RHOQ: variants seen among roughly 807,000 people sequenced by gnomAD.
RHOQ encodes rho-related GTP-binding protein RhoQ.
In RHOQ, 7 loss-of-function variants were observed where a neutral mutation model predicts 25.8. That is an observed-to-expected ratio of 0.27 (90% confidence interval 0.15 to 0.51). The LOEUF (loss-of-function observed/expected upper bound fraction) is 0.51, where lower values mean the gene tolerates loss of function less well. RHOQ is among the 20% of genes least tolerant of loss of function. RHOQ has a pLI of 0.97. For missense variants in RHOQ, 165 were observed against 260.6 expected (o/e 0.63, Z 2.53); for synonymous variants, 97 against 98.6 (o/e 0.98, Z 0.10).
intron 2 of RHOQ, among the ~76,000 whole-genome samples, chr2:46,554,486 T>C (rs766708032): frequency 2.0e-5 from 3 of 152,218 alleles, no homozygotes; most frequent in Admixed American, 6.5e-5. Flanking sequence ...GACAGGGCTC[T>C]GTTCATTGTG....
rs143500704 is a variant in RHOQ at position 46,545,497 on chromosome 2, C to G, written c.201+1685C>G. On this transcript the variant is annotated intron_variant, in intron 2 of 4. Transcript: ENST00000238738. ...ACTGAGTTTTTTCCTACATATGGGG[C>G]CAGAGGCAGACACATGCAAATATTA... 8.7e-3 allele frequency among the ~76,000 whole-genome samples: 1,329 copies of G among 152,198 alleles called. 19 individuals carry two copies. The highest frequency in any genetic ancestry group is 0.031 in the African/African-American group (1,269 of 41,516).
intron 2 of RHOQ, chr2:46,560,588 A>G (rs1331456751): frequency 2.2e-6 from 1 of 456,250 alleles, no homozygotes; most frequent in South Asian, 1.5e-5. Flanking sequence ...TCCTGGGGTC[A>G]CGTGATCACG....
intron 2 of RHOQ, chr2:46,572,640 T>A (rs1273819544): frequency 2.7e-6 from 1 of 363,710 alleles, no homozygotes; most frequent in African/African-American, 2.1e-5. Context: ...TTTTCTGTAC[T>A]CCTGAGAATG....
At chr2:46,550,499 T>A (rs922164942) in intron 2 of RHOQ, among the ~76,000 whole-genome samples, 5 of 152,196 alleles carry the variant, frequency 3.3e-5, no homozygotes, top group African/African-American at 1.2e-4. Flanking sequence ...CCCCCAACAC[T>A]CTGTCTCAGA....
intron 2 of RHOQ, among the ~76,000 whole-genome samples, chr2:46,545,957 C>G (rs988368755): frequency 6.6e-6 from 1 of 152,132 alleles, no homozygotes; most frequent in Non-Finnish European, 1.5e-5. Context: ...TAGTAAGGCT[C>G]AAATACTACT....
At chr2:46,546,519 C>CATATATAT (rs1404045435) in intron 2 of RHOQ, among the ~76,000 whole-genome samples, 1 of 38,130 alleles carries the variant, frequency 2.6e-5, no homozygotes, top group Non-Finnish European at 4.3e-5. Context: ...TATGTATATA[C>CATATATAT]ATATATATAT....
intron 2 of RHOQ, among the ~76,000 whole-genome samples, chr2:46,558,173 G>A (rs552888225): frequency 6.6e-6 from 1 of 152,224 alleles, no homozygotes; most frequent in South Asian, 2.1e-4. Flanking sequence ...GCTGTAGCTG[G>A]GCTGGTGCCT....
chr2:46,576,403 A>G lies in RHOQ; in HGVS notation c.366+152A>G. The G allele has an allele frequency of 1.1e-6, 1 of 947,284 alleles. No homozygotes were observed. The highest frequency in any genetic ancestry group is 2.8e-5 in the Admixed American group (1 of 35,636). The allele number at this position is 947,284 out of a possible 1,614,324, so 58.7% of individuals were successfully genotyped here. ...GAGTTCTATCATATTTTTGGAAAAA[A>G]TTGTGCCAAAAGAAAGCAATTATTT... On this transcript the variant is annotated intron_variant, in intron 3 of 4. Coordinates refer to ENST00000238738, the MANE Select transcript of RHOQ (RefSeq NM_012249.4). The surrounding 1 kb of genome is among the most constrained non-coding windows in gnomAD (Gnocchi z 5.1).
intron 2 of RHOQ, among the ~76,000 whole-genome samples, chr2:46,546,491 T>TATATATATGTATATATATATAC (rs1668064078): frequency 4.1e-5 from 1 of 24,356 alleles, no homozygotes; most frequent in Non-Finnish European, 7.1e-5. Flanking sequence ...TATATATATA[T>TATATATATGTATATATATATAC]ATATATATAT....
intron 4 of RHOQ, among the ~76,000 whole-genome samples, chr2:46,579,349 G>A (rs977523615): frequency 1.3e-5 from 2 of 152,146 alleles, no homozygotes; most frequent in Non-Finnish European, 2.9e-5. Context: ...GCCTAAATGA[G>A]CTTCTGTCAG....
intron 2 of RHOQ, among the ~76,000 whole-genome samples, chr2:46,554,643 G>T (rs1287028811): frequency 6.6e-6 from 1 of 152,154 alleles, no homozygotes; most frequent in Non-Finnish European, 1.5e-5. Flanking sequence ...ACAAGGAGTG[G>T]CTGAAGGGAG....
At chr2:46,554,743 C>T (rs1293477844) in intron 2 of RHOQ, among the ~76,000 whole-genome samples, 2 of 152,008 alleles carry the variant, frequency 1.3e-5, no homozygotes, top group African/African-American at 4.8e-5. Context: ...GTTCTCCCCT[C>T]CCTTTATTCT....
intron 2 of RHOQ, among the ~76,000 whole-genome samples, chr2:46,563,824 CT>C (rs1668644994): frequency 6.6e-6 from 1 of 151,804 alleles, no homozygotes; most frequent in Admixed American, 6.6e-5. Context: ...CTTTTTTTCT[CT>C]TTTTCTTAAT....
In RHOQ at chr2:46,581,392, T is replaced by C. The variant is rs1474465905; in HGVS notation, c.*309T>C. The C allele has an allele frequency of 6.5e-7, 1 of 1,530,758 alleles. No individual in the cohort carries two copies. Among genetic ancestry groups the C allele is most frequent in the East Asian group, 2.4e-5 (1 of 40,872 alleles). The allele number at this position is 1,530,758 out of a possible 1,614,324, so 94.8% of individuals were successfully genotyped here. The stretch of plus-strand genomic sequence containing the variant: ...TGTAACTACGTAAAAAACAGAGCTG[T>C]AAATGGAACTGCTTGGCTTTGACCA... On this transcript the variant is annotated 3_prime_UTR_variant, in exon 5 of 5. Transcript: ENST00000238738.
intron 4 of RHOQ, among the ~76,000 whole-genome samples, chr2:46,578,563 C>G (rs1403368419): frequency 3.0e-5 from 2 of 66,222 alleles, no homozygotes; most frequent in African/African-American, 9.0e-5. Flanking sequence ...GAAACCCCAT[C>G]TCTACCAAAA....
At chr2:46,579,249 A>T (rs7572365) in intron 4 of RHOQ, among the ~76,000 whole-genome samples, 2,497 of 152,250 alleles carry the variant, frequency 0.016, 72 homozygotes, top group African/African-American at 0.058. Context: ...ACTCTGCTCC[A>T]TCTCTTTACC....
At position 46,580,983 on chromosome 2, in the gene RHOQ, C is replaced by T; in HGVS notation, c.518C>T (p.Thr173Ile). 3 of 1,583,794 alleles carry T rather than the reference C, an allele frequency of 1.9e-6. No homozygotes were observed. The highest frequency in any genetic ancestry group is 2.6e-6 in the Non-Finnish European group (3 of 1,168,652). ...CSALTQKGLK[T>I]VFDEAIIAIL... ...GCTTTAACCCAGAAGGGATTGAAGA[C>T]TGTTTTTGATGAGGCTATCATAGCC... The change falls in exon 5 of 5, where the codon ACT becomes ATT. Residue 173 changes from threonine to isoleucine, a missense_variant. Physicochemically the swap from Thr to Ile is moderately conservative, Grantham distance 89 (BLOSUM62 -1). Coordinates refer to ENST00000238738, the MANE Select transcript of RHOQ (RefSeq NM_012249.4).
chr2:46,574,869 T>G (rs1410462404), intron 2 of RHOQ, among the ~76,000 whole-genome samples: 1 of 152,240 alleles, frequency 6.6e-6, no homozygotes, highest in East Asian at 1.9e-4. Context: ...GATGATGTTT[T>G]TAATATTCCC....
intron 2 of RHOQ, among the ~76,000 whole-genome samples, chr2:46,563,436 C>T (rs557811749): frequency 1.3e-5 from 2 of 152,312 alleles, no homozygotes; most frequent in African/African-American, 4.8e-5. Flanking sequence ...GTAGTAATGT[C>T]ATGAGGCTAT....
Sources: gnomAD v4.1 joint callset for allele counts (sites outside exome capture counted in the v4.1 genomes callset) on GRCh38, gnomAD v4.1.1 for gene constraint, Gnocchi (gnomAD v3.1) non-coding constraint, MANE v1.5 for transcripts, NCBI Gene and HGNC (gene_info 2026-07-23, HGNC 2026-07-21) for gene names.